The following ZNF292 variants were observed in gnomAD, a reference collection of about 807,000 sequenced individuals.
ZNF292 encodes the protein zinc finger protein 292, also known as 16 zinc-finger domain protein.
ZNF292 carries 26 observed loss-of-function variants against 217.9 expected under a neutral mutation model. That is an observed-to-expected ratio of 0.12 (90% confidence interval 0.09 to 0.17). The LOEUF (loss-of-function observed/expected upper bound fraction) is 0.17. Among genes scored for constraint, ZNF292 ranks in the 10% least tolerant of loss-of-function variants. ZNF292 has a pLI of 1.00. For synonymous variants in ZNF292, 1,257 were observed against 1,124.1 expected, an observed-to-expected ratio of 1.12 and a Z score of -2.37; for missense variants, 2,904 against 3,175.2, an observed-to-expected ratio of 0.91 and a Z score of 2.05.
chr6:87,257,162 C>G lies in ZNF292; in HGVS notation c.3533C>G (p.Pro1178Arg). ...TCACAGACCAAAGCCAATGGGAATCCTGCTTGTTCGGCCCAGTTGCAGCAT... is the reference window on the plus strand; with the variant it reads ...TCACAGACCAAAGCCAATGGGAATCGTGCTTGTTCGGCCCAGTTGCAGCAT... Reference protein sequence around the residue: ...FTSQTKANGNPACSAQLQHVS... With the variant: ...FTSQTKANGNRACSAQLQHVS... The change falls in exon 8 of 8, where the codon CCT becomes CGT. Residue 1178 changes from proline (P) to arginine (R), a missense_variant. Transcript: ENST00000369577. 6.2e-7 allele frequency: 1 copy of G among 1,613,898 alleles called. No homozygotes were observed. Among genetic ancestry groups the G allele is most frequent in the South Asian group, 1.1e-5 (1 of 91,074 alleles).
chr6:87,204,554 ATTTT>A (rs68087857), intron 1 of ZNF292, among the ~76,000 whole-genome samples: 17 of 63,640 alleles, frequency 2.7e-4, no homozygotes, highest in Non-Finnish European at 3.8e-4. Context: ...AACATTTAGG[ATTTT>A]TTTTTTTTTT....
At chr6:87,167,559 T>A (rs1225832875) in intron 1 of ZNF292, among the ~76,000 whole-genome samples, 1 of 152,198 alleles carries the variant, frequency 6.6e-6, no homozygotes, top group African/African-American at 2.4e-5. Flanking sequence ...GAGAATCACT[T>A]GAACTAGGGA....
intron 1 of ZNF292, among the ~76,000 whole-genome samples, chr6:87,159,516 T>A (rs375717719): frequency 0.05 from 6,636 of 132,976 alleles, 235 homozygotes; most frequent in Non-Finnish European, 0.075. Flanking sequence ...TTTTTTTTTT[T>A]AAAAAAGATG....
rs570374456 is a variant in ZNF292, at chr6:87,231,925, A to G, written c.539-1400A>G. ...TATTATAACTTTGTTTTTTAGTCTT[A>G]TATTTAAAATCTTTTGCTTTGGCAG... On this transcript the variant is annotated intron_variant, in intron 4 of 7. Coordinates refer to ENST00000369577, the MANE Select transcript of ZNF292 (RefSeq NM_015021.3). 2.6e-5 allele frequency among the ~76,000 whole-genome samples: 4 copies of G among 152,270 alleles called. No homozygotes were observed. In the East Asian group the frequency reaches 5.8e-4, roughly 22 times the overall value.
chr6:87,207,853 G>A (rs191041655), intron 1 of ZNF292, among the ~76,000 whole-genome samples: 1 of 151,966 alleles, frequency 6.6e-6, no homozygotes, highest in African/African-American at 2.4e-5. Context: ...TATTTTCCAG[G>A]CCCATTGCAC....
At chr6:87,215,755 A>G in intron 1 of ZNF292, 148 bp from the exon 2 acceptor site, 1 of 546,718 alleles carries the variant, frequency 1.8e-6, no homozygotes, top group Non-Finnish European at 3.0e-6. Flanking sequence ...ACTTTATTTC[A>G]TTTAATATTT....
rs550061595 is a variant in ZNF292 at position 87,235,389 on chromosome 6, A to AT, written c.741+1868dup. The stretch of plus-strand genomic sequence containing the variant: ...TCCACAGATTTGTATTAAGTGAATG[A>AT]TTTTTTCTGTATAAGCATTGGGGGG... On this transcript the variant is annotated intron_variant, in intron 5 of 7. Transcript: ENST00000369577. Among the ~76,000 whole-genome samples the AT allele has an allele frequency of 5.3e-5, 8 of 151,602 alleles. No individual in the cohort carries two copies. The South Asian group carries it at 1.5e-3, about 28-fold the overall frequency.
At chr6:87,206,663 C>A (rs1393777090) in intron 1 of ZNF292, among the ~76,000 whole-genome samples, 3 of 152,162 alleles carry the variant, frequency 2.0e-5, no homozygotes, top group African/African-American at 7.2e-5. Context: ...ATAATATTCT[C>A]TTTGGCTATT....
intron 7 of ZNF292, among the ~76,000 whole-genome samples, chr6:87,250,982 A>G (rs1043600981): frequency 1.1e-4 from 17 of 152,216 alleles, no homozygotes; most frequent in Admixed American, 1.0e-3. Context: ...GGTATAAAGT[A>G]GGTGCTGAAT....
At chr6:87,219,787 C>G (rs1772985383) in intron 4 of ZNF292, among the ~76,000 whole-genome samples, 1 of 152,138 alleles carries the variant, frequency 6.6e-6, no homozygotes, top group Non-Finnish European at 1.5e-5. Flanking sequence ...TTCTCGAGAC[C>G]TTGGAAGGAG....
intron 7 of ZNF292, among the ~76,000 whole-genome samples, chr6:87,247,813 T>A (rs1774680687): frequency 6.6e-6 from 1 of 152,114 alleles, no homozygotes. Flanking sequence ...CACTTAAAAT[T>A]TAGGAATTAA....
intron 1 of ZNF292, among the ~76,000 whole-genome samples, chr6:87,204,554 AT>A (rs68087857): frequency 0.033 from 2,061 of 63,408 alleles, 6 homozygotes; most frequent in Admixed American, 0.038. Context: ...AACATTTAGG[AT>A]TTTTTTTTTT....
At chr6:87,186,736 C>G (rs1771671010) in intron 1 of ZNF292, among the ~76,000 whole-genome samples, 1 of 152,112 alleles carries the variant, frequency 6.6e-6, no homozygotes, top group Admixed American at 6.5e-5. Flanking sequence ...AGAACAAGAC[C>G]TGGTCTCAAA....
chr6:87,250,529 A>G (rs1383763603), intron 7 of ZNF292, among the ~76,000 whole-genome samples: 2 of 152,262 alleles, frequency 1.3e-5, no homozygotes, highest in East Asian at 1.9e-4. Flanking sequence ...TATTGAATCT[A>G]TGCAAATGAA....
chr6:87,254,400 T>G (rs1775094456), intron 7 of ZNF292, among the ~76,000 whole-genome samples: 1 of 152,226 alleles, frequency 6.6e-6, no homozygotes, highest in African/African-American at 2.4e-5. Context: ...CTTCCAAGTT[T>G]GCCTAGCCAT....
rs116437634 is a variant in ZNF292, at chr6:87,193,607, C to T, written c.169-22296C>T. Among the ~76,000 whole-genome samples the T allele has an allele frequency of 5.7e-3, 873 of 152,098 alleles. 8 individuals are homozygous for T. The highest frequency in any genetic ancestry group is 0.02 in the African/African-American group (829 of 41,470). On this transcript the variant is annotated intron_variant, in intron 1 of 7. Transcript: ENST00000369577. ...TGTCCCCAAGGGAAAAAACAACCTG[C>T]GCCCTTCAACTGTAATGTATCTTTT...
chr6:87,210,440 T>C (rs1772436054), intron 1 of ZNF292, among the ~76,000 whole-genome samples: 1 of 151,924 alleles, frequency 6.6e-6, no homozygotes, highest in Non-Finnish European at 1.5e-5. Context: ...TACCTATTTC[T>C]TCTATCCTAG....
intron 4 of ZNF292, among the ~76,000 whole-genome samples, chr6:87,230,947 A>T (rs1320764361): frequency 6.6e-6 from 1 of 152,172 alleles, no homozygotes; most frequent in African/African-American, 2.4e-5. Context: ...GTAAAATTAT[A>T]AATATTTTAT....
chr6:87,250,120 T>TA (rs1273252055), intron 7 of ZNF292, among the ~76,000 whole-genome samples: 2 of 151,306 alleles, frequency 1.3e-5, no homozygotes, highest in Non-Finnish European at 2.9e-5. Flanking sequence ...TCCATATTCA[T>TA]AGGTTCCACA....
Sources: gnomAD v4.1 joint callset for allele counts (sites outside exome capture counted in the v4.1 genomes callset) on GRCh38, gnomAD v4.1.1 for gene constraint, MANE v1.5 for transcripts, NCBI Gene and HGNC (gene_info 2026-07-23, HGNC 2026-07-21) for gene names.